PTPRD: variants seen among roughly 807,000 people sequenced by gnomAD.
PTPRD encodes the protein protein tyrosine phosphatase receptor type D.
Under a neutral mutation model 214.5 loss-of-function variants are expected in PTPRD, and 34 were observed. The observed-to-expected ratio is 0.16, with a 90% confidence interval of 0.12 to 0.21. The LOEUF (loss-of-function observed/expected upper bound fraction) is 0.21, where lower values mean the gene tolerates loss of function less well. Among genes scored for constraint, PTPRD ranks in the 10% least tolerant of loss-of-function variants. PTPRD has a pLI of 1.00. For synonymous variants in PTPRD, 1,128 were observed against 845.7 expected, an observed-to-expected ratio of 1.33 and a Z score of -5.79; for missense variants, 2,545 against 2,398.7, an observed-to-expected ratio of 1.06 and a Z score of -1.27.
rs1054294388 is a variant in PTPRD, at chr9:8,832,746, C to G, written c.-103-98800G>C. Among the ~76,000 whole-genome samples, 6 of 151,888 alleles carry G rather than the reference C, an allele frequency of 4.0e-5. 1 individual carries two copies. The highest frequency in any genetic ancestry group is 4.1e-4 in the South Asian group (2 of 4,824). On this transcript the variant is annotated intron_variant, in intron 11 of 45. Coordinates refer to ENST00000381196, the MANE Select transcript of PTPRD (RefSeq NM_002839.4). ...TAAAACTAATCATTTCTGAAGGAGG[C>G]TGGATATTCAATATTTCTCTAAATT...
chr9:10,236,504 G>A (rs529808370), intron 3 of PTPRD, among the ~76,000 whole-genome samples: 5 of 151,882 alleles, frequency 3.3e-5, no homozygotes, highest in South Asian at 4.2e-4. Flanking sequence ...CTTGACTACC[G>A]CAGTTTTCTT....
At chr9:9,267,311 G>T (rs1262299698) in intron 9 of PTPRD, among the ~76,000 whole-genome samples, 1 of 151,134 alleles carries the variant, frequency 6.6e-6, no homozygotes, top group Non-Finnish European at 1.5e-5. Flanking sequence ...AGCATAAATG[G>T]ATATGTTCCT....
intron 4 of PTPRD, among the ~76,000 whole-genome samples, chr9:10,004,991 G>A (rs1028437038): frequency 1.3e-5 from 2 of 152,064 alleles, no homozygotes; most frequent in African/African-American, 4.8e-5. Flanking sequence ...CTAGTTTCAT[G>A]CCATGCTTAA....
At chr9:8,908,032 A>T (rs965596987) in intron 11 of PTPRD, among the ~76,000 whole-genome samples, 1 of 152,118 alleles carries the variant, frequency 6.6e-6, no homozygotes. Context: ...AAAAATAAAG[A>T]GAAAATCTTG....
chr9:8,806,527 C>T (rs1243912055), intron 11 of PTPRD, among the ~76,000 whole-genome samples: 1 of 152,164 alleles, frequency 6.6e-6, no homozygotes, highest in Admixed American at 6.5e-5. Context: ...TTTACATTGA[C>T]TTCTATGAGT....
At chr9:9,133,023 T>G (rs2099845206) in intron 10 of PTPRD, among the ~76,000 whole-genome samples, 1 of 152,226 alleles carries the variant, frequency 6.6e-6, no homozygotes, top group Admixed American at 6.5e-5. Context: ...CTAAGGGTAG[T>G]GATTTCAATA....
chr9:9,067,179 T>C (rs10977468), intron 10 of PTPRD, among the ~76,000 whole-genome samples: 29,134 of 152,148 alleles, frequency 0.19, 2,913 homozygotes, highest in South Asian at 0.24. Flanking sequence ...ACAGTGAGCC[T>C]AGATAGCACC....
chr9:10,601,759 G>C (rs1024731257), intron 2 of PTPRD, among the ~76,000 whole-genome samples: 6 of 151,686 alleles, frequency 4.0e-5, no homozygotes, highest in African/African-American at 1.2e-4. Context: ...AAAAACTCTA[G>C]CTCATAACAA....
chr9:8,444,506 A>C (rs1380717232), intron 34 of PTPRD, among the ~76,000 whole-genome samples: 2 of 152,084 alleles, frequency 1.3e-5, no homozygotes, highest in Non-Finnish European at 1.5e-5. Flanking sequence ...AATGACACAA[A>C]ATATTTTAAT....
intron 36 of PTPRD, among the ~76,000 whole-genome samples, chr9:8,390,855 G>T (rs1452008732): frequency 6.6e-6 from 1 of 152,172 alleles, no homozygotes; most frequent in Non-Finnish European, 1.5e-5. Flanking sequence ...AGAGCTGCCT[G>T]TGAGAAGAAG....
chr9:8,508,879 GTGTGTGTGTGTC>G (rs1230263803), intron 21 of PTPRD, among the ~76,000 whole-genome samples: 3 of 96,590 alleles, frequency 3.1e-5, no homozygotes, highest in African/African-American at 4.9e-5. Flanking sequence ...ATATATATGT[GTGTGTGTGTGTC>G]TGTGTGTGTG....
intron 3 of PTPRD, among the ~76,000 whole-genome samples, chr9:10,324,533 G>C (rs182743061): frequency 7.0e-4 from 107 of 152,112 alleles, no homozygotes; most frequent in African/African-American, 2.4e-3. Flanking sequence ...AGTTGCCTGA[G>C]ACATCTGTCT....
At chr9:8,593,658 T>C (rs1203785819) in intron 14 of PTPRD, among the ~76,000 whole-genome samples, 1 of 152,182 alleles carries the variant, frequency 6.6e-6, no homozygotes, top group East Asian at 1.9e-4. Flanking sequence ...TGAAACACTG[T>C]ATCATAAAAG....
chr9:9,625,404 G>C (rs531410204), intron 7 of PTPRD, among the ~76,000 whole-genome samples: 1 of 152,114 alleles, frequency 6.6e-6, no homozygotes, highest in South Asian at 2.1e-4. Flanking sequence ...CTAGGAGTAC[G>C]TCTTCGCACT....
chr9:10,224,922 A>C (rs2099583921), intron 3 of PTPRD, among the ~76,000 whole-genome samples: 1 of 152,094 alleles, frequency 6.6e-6, no homozygotes. Context: ...TACAGTACAT[A>C]ATACAAATTA....
chr9:9,905,309 A>G (rs888734709), intron 5 of PTPRD, among the ~76,000 whole-genome samples: 1 of 151,998 alleles, frequency 6.6e-6, no homozygotes, highest in Admixed American at 6.6e-5. Flanking sequence ...AATCAGAATT[A>G]TATTTCAGGT....
intron 5 of PTPRD, among the ~76,000 whole-genome samples, chr9:9,793,465 A>G (rs1030749649): frequency 6.6e-6 from 1 of 152,122 alleles, no homozygotes; most frequent in Non-Finnish European, 1.5e-5. Context: ...ATATGTTATC[A>G]ATATAAGTAG....
intron 8 of PTPRD, among the ~76,000 whole-genome samples, chr9:9,552,889 C>G (rs1396387931): frequency 6.6e-6 from 1 of 152,054 alleles, no homozygotes; most frequent in Non-Finnish European, 1.5e-5. Context: ...GCTATTCTGA[C>G]ATGGATCACA....
chr9:9,834,101 A>C (rs2055957205), intron 5 of PTPRD, among the ~76,000 whole-genome samples: 1 of 152,098 alleles, frequency 6.6e-6, no homozygotes, highest in South Asian at 2.1e-4. Context: ...TAGAGATTGC[A>C]GTAAAGACAG....
Sources: gnomAD v4.1 joint callset for allele counts (sites outside exome capture counted in the v4.1 genomes callset) on GRCh38, gnomAD v4.1.1 for gene constraint, MANE v1.5 for transcripts, NCBI Gene and HGNC (gene_info 2026-07-23, HGNC 2026-07-21) for gene names.